GREB1: variants seen among roughly 807,000 people sequenced by gnomAD.
GREB1 encodes growth regulating estrogen receptor binding 1.
Under a neutral mutation model 200.7 loss-of-function variants are expected in GREB1, and 106 were observed. That is an observed-to-expected ratio of 0.53 (90% CI 0.45 to 0.62). The LOEUF is 0.62. GREB1 is among the 20% of genes least tolerant of loss of function. The probability of loss-of-function intolerance (pLI) is 0.00; values close to 1 mark genes in which losing one functional copy is unlikely to be tolerated. For synonymous variants in GREB1, 1,132 were observed against 1,092.4 expected (o/e 1.04, Z -0.72); for missense variants, 2,243 against 2,556.8 (o/e 0.88, Z 2.65).
At chr2:11,585,060 A>AAAAAC (rs1553365132) in intron 7 of GREB1, 101 bp from the exon 8 acceptor site, 1 of 586,692 alleles carries the variant, frequency 1.7e-6, no homozygotes, top group Non-Finnish European at 2.8e-6. Context: ...TTAGAAAAAA[A>AAAAAC]AAAACAAAAC....
chr2:11,588,227 C>CA (rs796838611), intron 9 of GREB1: 54,438 of 705,010 alleles, frequency 0.077, 58 homozygotes, highest in Middle Eastern at 0.094. Flanking sequence ...GACACTGTCT[C>CA]AAAAAAAAAA....
At chr2:11,634,964 T>C (rs1685191881) in intron 29 of GREB1, among the ~76,000 whole-genome samples, 1 of 152,222 alleles carries the variant, frequency 6.6e-6, no homozygotes, top group Non-Finnish European at 1.5e-5. Flanking sequence ...TGAGGTCGTG[T>C]TGGTAACGTT....
rs1681335059 is a variant in GREB1, at chr2:11,597,049, T to A, written c.1955-732T>A. Among the ~76,000 whole-genome samples, 1 of 150,404 alleles carries A rather than the reference T, an allele frequency of 6.6e-6. No individual in the cohort carries two copies. Among genetic ancestry groups the A allele is most frequent in the Non-Finnish European group, 1.5e-5 (1 of 67,580 alleles). On this transcript the variant is annotated intron_variant, in intron 13 of 32. Transcript: ENST00000381486. The surrounding 1 kb of genome is among the most constrained non-coding windows in gnomAD (Gnocchi z 4.1). ...CGCCAATGGGCACAGGTGTGCACCG[T>A]GAGAGAGGGCAGTGGGCACAGGTGT...
At chr2:11,612,193 C>CA (rs59217779) in intron 18 of GREB1, 17,147 of 238,080 alleles carry the variant, frequency 0.072, 1,145 homozygotes, top group African/African-American at 0.25. Context: ...GACTCTGTCT[C>CA]AAAAAAAAAA....
At chr2:11,526,649 A>G (rs1191715071) in intron 1 of GREB1, among the ~76,000 whole-genome samples, 1 of 150,676 alleles carries the variant, frequency 6.6e-6, no homozygotes, top group African/African-American at 2.4e-5. Flanking sequence ...TCTGCCTCCC[A>G]GGTTCAAGTG....
chr2:11,515,691 C>CA (rs1381231803), intron 1 of GREB1, among the ~76,000 whole-genome samples: 1 of 152,206 alleles, frequency 6.6e-6, no homozygotes, highest in African/African-American at 2.4e-5. Context: ...CCTAAAAGGG[C>CA]AGAGCAGATG....
At chr2:11,523,945 AG>A (rs779313455) in intron 1 of GREB1, among the ~76,000 whole-genome samples, 2 of 152,244 alleles carry the variant, frequency 1.3e-5, no homozygotes, top group Non-Finnish European at 2.9e-5. Flanking sequence ...ATACTGGGAC[AG>A]GTCTTTTCTC....
chr2:11,507,591 C>T (rs1279556557), intron 1 of GREB1, among the ~76,000 whole-genome samples: 1 of 152,184 alleles, frequency 6.6e-6, no homozygotes, highest in Non-Finnish European at 1.5e-5. Flanking sequence ...AGAGACCTTG[C>T]CCAGCCCTTG....
At chr2:11,573,184 C>G (rs986798286) in intron 4 of GREB1, among the ~76,000 whole-genome samples, 1 of 152,200 alleles carries the variant, frequency 6.6e-6, no homozygotes, top group Non-Finnish European at 1.5e-5. Flanking sequence ...TAGTTGTCCT[C>G]TCAGCAGAAG....
chr2:11,496,524 C>G (rs558875595), intron 1 of GREB1, among the ~76,000 whole-genome samples: 3 of 151,124 alleles, frequency 2.0e-5, no homozygotes, highest in South Asian at 2.1e-4. Flanking sequence ...CGCCCGCCCC[C>G]CCGTCACATG....
intron 7 of GREB1, among the ~76,000 whole-genome samples, chr2:11,584,145 A>G (rs1679813951): frequency 6.6e-6 from 1 of 152,218 alleles, no homozygotes; most frequent in Non-Finnish European, 1.5e-5. Flanking sequence ...GATTGCATCC[A>G]GACAGAGTTT....
chr2:11,576,692 C>T (rs376025082), intron 5 of GREB1, among the ~76,000 whole-genome samples, 157 bp downstream of exon 5: 3 of 152,270 alleles, frequency 2.0e-5, no homozygotes, highest in Non-Finnish European at 2.9e-5. Flanking sequence ...CTTTGCGTTA[C>T]GGGCGTTAAG....
At chr2:11,623,707 A>G (rs1420922314) in intron 23 of GREB1, among the ~76,000 whole-genome samples, 1 of 152,216 alleles carries the variant, frequency 6.6e-6, no homozygotes, top group African/African-American at 2.4e-5. Flanking sequence ...TCTGGCGAAC[A>G]TGGTGAAACC....
At chr2:11,579,605 A>G (rs1434101527) in intron 6 of GREB1, among the ~76,000 whole-genome samples, 1 of 152,196 alleles carries the variant, frequency 6.6e-6, no homozygotes, top group Non-Finnish European at 1.5e-5. Context: ...TAGGGAGGTT[A>G]AGTAAGTGTC....
intron 1 of GREB1, among the ~76,000 whole-genome samples, chr2:11,506,588 G>A (rs1673189012): frequency 1.3e-5 from 2 of 152,216 alleles, no homozygotes; most frequent in South Asian, 4.1e-4. Context: ...AGTTGGTTAG[G>A]AATTAGAGGT....
At chr2:11,615,047 T>C (rs770453143) in intron 19 of GREB1, 44 bp from the exon 20 acceptor site, 2 of 1,457,292 alleles carry the variant, frequency 1.4e-6, no homozygotes, top group South Asian at 2.3e-5. Context: ...AGCACTCCAC[T>C]TGTGGAAGGC....
At chr2:11,611,384 C>T (rs575871833) in intron 18 of GREB1, among the ~76,000 whole-genome samples, 4 of 152,310 alleles carry the variant, frequency 2.6e-5, no homozygotes, top group African/African-American at 9.6e-5. Context: ...GTGATCACAG[C>T]TCACTGCAGC....
chr2:11,615,170 G>T lies in GREB1; in HGVS notation c.3202G>T (p.Ala1068Ser). 6.2e-7 allele frequency: 1 copy of T among 1,614,168 alleles called. No individual in the cohort carries two copies. The highest frequency in any genetic ancestry group is 8.5e-7 in the Non-Finnish European group (1 of 1,179,990). ...RTALEQELGL[A>S]AYFVSNEVPL... ...AGCCTTGGAGCAGGAGCTGGGCCTGGCTGCCTACTTTGTGAGCAACGAGGT... is the reference window on the plus strand; with the variant it reads ...AGCCTTGGAGCAGGAGCTGGGCCTGTCTGCCTACTTTGTGAGCAACGAGGT... Residue 1068 changes from alanine (A) to serine (S), a missense_variant, in exon 20 of 33, where the codon GCT becomes TCT. Transcript: ENST00000381486.
intron 22 of GREB1, among the ~76,000 whole-genome samples, 156 bp downstream of exon 22, chr2:11,619,075 A>T (rs1683780997): frequency 6.6e-6 from 1 of 152,130 alleles, no homozygotes; most frequent in Admixed American, 6.5e-5. Context: ...GACCGGAGGG[A>T]GGAGGGCAGG....
Sources: allele counts gnomAD v4.1 joint callset (sites outside exome capture counted in the v4.1 genomes callset), GRCh38; gene constraint gnomAD v4.1.1; non-coding constraint Gnocchi (gnomAD v3.1); transcripts MANE v1.5; gene names NCBI Gene and HGNC (gene_info 2026-07-23, HGNC 2026-07-21).